PALM2AKAP2: variants seen among roughly 807,000 people sequenced by gnomAD.
The protein encoded by PALM2AKAP2 is PALM2 and AKAP2 fusion.
PALM2AKAP2 carries 37 observed loss-of-function variants against 71.5 expected under a neutral mutation model. That is an observed-to-expected ratio of 0.52 (90% confidence interval 0.40 to 0.68). PALM2AKAP2 has a LOEUF of 0.68. PALM2AKAP2 is among the 30% of genes least tolerant of loss of function. The pLI is 0.00. For synonymous variants in PALM2AKAP2, 468 were observed against 478.8 expected, an observed-to-expected ratio of 0.98 and a Z score of 0.29; for missense variants, 1,224 against 1,191.8, an observed-to-expected ratio of 1.03 and a Z score of -0.40.
intron 6 of PALM2AKAP2, among the ~76,000 whole-genome samples, chr9:109,949,661 C>G (rs1831589641): frequency 2.0e-5 from 3 of 152,212 alleles, no homozygotes; most frequent in Non-Finnish European, 4.4e-5. Context: ...ACTGCCATTA[C>G]ATGAGATCCA....
intron 1 of PALM2AKAP2, chr9:109,847,542 C>G (rs1401009831): frequency 6.6e-6 from 1 of 152,210 alleles, no homozygotes; most frequent in Non-Finnish European, 1.5e-5. Context: ...GAGATCGAGA[C>G]CATCCTGGCG....
chr9:109,765,852 G>A (rs1353513179), intron 1 of PALM2AKAP2, among the ~76,000 whole-genome samples: 1 of 152,138 alleles, frequency 6.6e-6, no homozygotes. Flanking sequence ...CAGGTTTTAG[G>A]GGATGAGTAA....
Position 109,840,613 on chromosome 9 carries a change from G to A in PALM2AKAP2, c.46-26878G>A, listed in dbSNP as rs568675909. 1.7e-4 allele frequency among the ~76,000 whole-genome samples: 26 copies of A among 152,150 alleles called. No homozygotes were observed. The South Asian group carries it at 4.6e-3, about 27-fold the overall frequency. On this transcript the variant is annotated intron_variant, in intron 1 of 9. Transcript: ENST00000302798. Reference sequence around the variant, plus strand: ...GAATGGGAGAACATTTTTGCAATCTGCTCATCTGACAAAGGGCTAATATCC... The same window carrying A: ...GAATGGGAGAACATTTTTGCAATCTACTCATCTGACAAAGGGCTAATATCC...
At chr9:109,682,896 T>G (rs1182579322) in intron 1 of PALM2AKAP2, among the ~76,000 whole-genome samples, 1 of 152,188 alleles carries the variant, frequency 6.6e-6, no homozygotes, top group African/African-American at 2.4e-5. Flanking sequence ...TGACATTATT[T>G]GGAAAAAGAG....
chr9:110,077,251 G>A (rs1262959841), intron 1 of PALM2AKAP2, among the ~76,000 whole-genome samples: 3 of 152,154 alleles, frequency 2.0e-5, no homozygotes, highest in South Asian at 4.1e-4. Context: ...CTAATAGGGC[G>A]ATACCCTATT....
intron 1 of PALM2AKAP2, among the ~76,000 whole-genome samples, chr9:109,651,717 A>G (rs76718115): frequency 0.033 from 5,004 of 152,264 alleles, 132 homozygotes; most frequent in African/African-American, 0.067. Context: ...TAAGAAGGAG[A>G]CACTCCTATT....
At chr9:109,881,876 CTTTTTTTT>C (rs565835467) in intron 3 of PALM2AKAP2, among the ~76,000 whole-genome samples, 21,842 of 94,790 alleles carry the variant, frequency 0.23, 2,612 homozygotes, top group South Asian at 0.35. Context: ...CTTATGAGCT[CTTTTTTTT>C]TTTTTTTTTT....
At chr9:110,052,725 G>A (rs1174060391) in intron 1 of PALM2AKAP2, among the ~76,000 whole-genome samples, 4 of 152,144 alleles carry the variant, frequency 2.6e-5, no homozygotes, top group Admixed American at 6.5e-5. Context: ...TAGCTATTCC[G>A]TCTTCTTGCC....
intron 1 of PALM2AKAP2, among the ~76,000 whole-genome samples, chr9:109,761,550 G>C (rs1157086973): frequency 6.6e-6 from 1 of 152,094 alleles, no homozygotes; most frequent in Non-Finnish European, 1.5e-5. Context: ...ACAGGCCCTG[G>C]TGTGTGATGT....
chr9:110,078,205 G>T (rs73657337), intron 1 of PALM2AKAP2, among the ~76,000 whole-genome samples: 6,017 of 152,198 alleles, frequency 0.04, 387 homozygotes, highest in African/African-American at 0.13. Context: ...TGGCACATGG[G>T]CTGTCTTTAT....
chr9:109,702,569 A>G (rs1828078123), intron 1 of PALM2AKAP2, among the ~76,000 whole-genome samples: 1 of 149,822 alleles, frequency 6.7e-6, no homozygotes, highest in Non-Finnish European at 1.5e-5. Flanking sequence ...AGGAAGGGGA[A>G]CATCACACAC....
intron 6 of PALM2AKAP2, among the ~76,000 whole-genome samples, chr9:109,957,597 T>G (rs542377911): frequency 1.3e-4 from 20 of 152,294 alleles, no homozygotes; most frequent in African/African-American, 4.8e-4. Flanking sequence ...AACTTAAACA[T>G]TTTTCAGCTG....
exon 2 of PALM2AKAP2, chr9:110,138,462 T>G: frequency 6.2e-7 from 1 of 1,614,176 alleles, no homozygotes; most frequent in Non-Finnish European, 8.5e-7. Flanking sequence ...CAGAGACAAG[T>G]CTTGCAGAGT....
At chr9:109,819,018 T>C (rs1203593614) in intron 1 of PALM2AKAP2, among the ~76,000 whole-genome samples, 1 of 152,154 alleles carries the variant, frequency 6.6e-6, no homozygotes, top group African/African-American at 2.4e-5. Context: ...TGGAAAAAAA[T>C]CCTTTGCAGA....
At chr9:110,048,924 A>G in intron 1 of PALM2AKAP2, 1 of 1,417,238 alleles carries the variant, frequency 7.1e-7, no homozygotes, top group South Asian at 1.5e-5. Flanking sequence ...TGGCCGAGGA[A>G]GGGGTTGCCG....
At chr9:109,645,094 C>G (rs995771365) in intron 1 of PALM2AKAP2, among the ~76,000 whole-genome samples, 3 of 152,176 alleles carry the variant, frequency 2.0e-5, no homozygotes, top group Non-Finnish European at 4.4e-5. Context: ...AGTCTGTTTT[C>G]ATGCTGCTGA....
At position 110,036,794 on chromosome 9, in the gene PALM2AKAP2, A is replaced by G. The variant is rs576954038; in HGVS notation, c.582+20755A>G. Among the ~76,000 whole-genome samples the G allele has an allele frequency of 2.8e-4, 42 of 152,132 alleles. 1 individual carries two copies. The highest frequency in any genetic ancestry group is 8.4e-4 in the African/African-American group (35 of 41,508). On this transcript the variant is annotated intron_variant, in intron 7 of 9. Transcript: ENST00000302798. ...TGAAGTCCTCCTGGCTGCTCCAAAC[A>G]TGATTGCTCAGTGTCCCCACACCTG...
chr9:110,108,931 C>G (rs1157463397), intron 1 of PALM2AKAP2, among the ~76,000 whole-genome samples: 1 of 152,056 alleles, frequency 6.6e-6, no homozygotes, highest in Admixed American at 6.5e-5. Flanking sequence ...GAGTTATTCT[C>G]CATGGGGCTC....
chr9:110,021,473 C>T (rs1207739098), intron 7 of PALM2AKAP2, among the ~76,000 whole-genome samples: 1 of 152,174 alleles, frequency 6.6e-6, no homozygotes, highest in Non-Finnish European at 1.5e-5. Flanking sequence ...TGAATGCACT[C>T]AGATTCTGCC....
Sources: allele counts gnomAD v4.1 joint callset (sites outside exome capture counted in the v4.1 genomes callset), GRCh38; gene constraint gnomAD v4.1.1; transcripts MANE v1.5; gene names NCBI Gene and HGNC (gene_info 2026-07-23, HGNC 2026-07-21).